The following ITGAE variants were observed in gnomAD, a reference collection of about 807,000 sequenced individuals.
ITGAE encodes integrin subunit alpha E, also known as integrin alpha-E.
Under a neutral mutation model 136.5 loss-of-function variants are expected in ITGAE, and 99 were observed. The ratio of observed to expected loss-of-function variants is 0.73; its 90% CI spans 0.62 to 0.86. The LOEUF (loss-of-function observed/expected upper bound fraction) is 0.86, where lower values mean the gene tolerates loss of function less well. ITGAE is among the 40% of genes least tolerant of loss of function. ITGAE has a pLI of 0.00. For synonymous variants in ITGAE, 613 were observed against 591.8 expected (o/e 1.04, Z -0.52); for missense variants, 1,447 against 1,515.3 (o/e 0.95, Z 0.75).
intron 6 of ITGAE, among the ~76,000 whole-genome samples, chr17:3,760,680 T>A (rs2143093968): frequency 6.6e-6 from 1 of 151,856 alleles, no homozygotes; most frequent in East Asian, 1.9e-4. Flanking sequence ...CCTCAAGTGA[T>A]CCGCCCACTT....
intron 20 of ITGAE, among the ~76,000 whole-genome samples, chr17:3,736,872 A>C (rs1029581423): frequency 2.0e-5 from 3 of 151,104 alleles, no homozygotes; most frequent in Non-Finnish European, 4.4e-5. Flanking sequence ...TTTTGTTCCC[A>C]TTGTTTGGTT....
At chr17:3,748,398 C>T (rs1337484895) in intron 16 of ITGAE, among the ~76,000 whole-genome samples, 1 of 152,138 alleles carries the variant, frequency 6.6e-6, no homozygotes, top group Non-Finnish European at 1.5e-5. Context: ...CCAGCCTGGC[C>T]AACTTGGTGA....
chr17:3,780,783 C>T (rs2052650313), intron 1 of ITGAE, among the ~76,000 whole-genome samples: 1 of 152,140 alleles, frequency 6.6e-6, no homozygotes, highest in South Asian at 2.1e-4. Flanking sequence ...TCCCTACAGT[C>T]TTTACCTCCA....
chr17:3,775,958 A>ACATTT (rs1282433198), intron 2 of ITGAE, among the ~76,000 whole-genome samples: 1 of 151,950 alleles, frequency 6.6e-6, no homozygotes, highest in Non-Finnish European at 1.5e-5. Context: ...GGCAGATTTT[A>ACATTT]CATTTTGCTT....
Position 3,798,457 on chromosome 17 carries a change from T to C in ITGAE, c.34+2654A>G, listed in dbSNP as rs2053174836. Among the ~76,000 whole-genome samples the C allele has an allele frequency of 2.0e-5, 3 of 152,072 alleles. No individual in the cohort carries two copies. Among genetic ancestry groups the C allele is most frequent in the Admixed American group, 2.0e-4 (3 of 15,258 alleles). On this transcript the variant is annotated intron_variant, in intron 1 of 30. Transcript: ENST00000263087. The surrounding 1 kb of genome is among the most constrained non-coding windows in gnomAD (Gnocchi z 4.3). ...AACCAGACTCTTCACACCCCAGGGC[T>C]TGGTCCCTCCTATCCCCCCTGCACA...
Position 3,739,809 on chromosome 17 carries a change from A to T in ITGAE, c.2518T>A (p.Ser840Thr). The T allele has an allele frequency of 1.9e-6, 3 of 1,613,982 alleles. No individual in the cohort carries two copies. The highest frequency in any genetic ancestry group is 2.5e-6 in the Non-Finnish European group (3 of 1,179,824). The change falls in exon 20 of 31, where the codon TCT becomes ACT. Residue 840 changes from serine (S) to threonine (T), a missense_variant. This residue lies in a region of ITGAE where 1,031 missense variants were observed against 1,011.4 expected (regional missense o/e 1.02). Coordinates refer to ENST00000263087, the MANE Select transcript of ITGAE (RefSeq NM_002208.5). ...VAELQLATTV[S>T]QQELVVGLTK... ...TGACGGCTATGTCCAACTCACTGAGAGACGGTGGTGGCCAACTGTAATTCT... is the reference window on the plus strand; with the variant it reads ...TGACGGCTATGTCCAACTCACTGAGTGACGGTGGTGGCCAACTGTAATTCT...
chr17:3,794,962 C>T (rs994146326), intron 1 of ITGAE, among the ~76,000 whole-genome samples: 3 of 152,312 alleles, frequency 2.0e-5, no homozygotes, highest in Non-Finnish European at 4.4e-5. Flanking sequence ...TCTGCACACT[C>T]CTGCCTCCAG....
chr17:3,783,886 C>T (rs1038592299), intron 1 of ITGAE, among the ~76,000 whole-genome samples: 1 of 152,196 alleles, frequency 6.6e-6, no homozygotes, highest in African/African-American at 2.4e-5. Flanking sequence ...CAAAAATTGA[C>T]TGAATTAAAA....
chr17:3,782,295 A>C lies in ITGAE; in HGVS notation c.35-4635T>G, dbSNP rs996067579. ...GCCTCAAAAAAAAAAAAAAAAAAAA[A>C]AAAAAAGCATGGTCTGACCATGCCA... On this transcript the variant is annotated intron_variant, in intron 1 of 30. Transcript: ENST00000263087. Among the ~76,000 whole-genome samples, 3 of 146,708 alleles carry C rather than the reference A, an allele frequency of 2.0e-5. No homozygotes were observed. In the East Asian group the frequency reaches 6.5e-4, roughly 32 times the overall value.
At position 3,759,505 on chromosome 17, in the gene ITGAE, C is replaced by T; in HGVS notation, c.763G>A (p.Asp255Asn). The T allele has an allele frequency of 6.2e-7, 1 of 1,614,194 alleles. No individual in the cohort carries two copies. The highest frequency in any genetic ancestry group is 1.6e-4 in the Middle Eastern group (1 of 6,062). The change falls in exon 8 of 31, where the codon GAC (aspartate) becomes AAC (asparagine). Residue 255 changes from aspartate to asparagine, a missense_variant. Asp to Asn is a conservative substitution (Grantham distance 23). Around this residue, in one of 3 missense-constraint regions of ITGAE, gnomAD observed 310 missense variants for 416.1 expected, o/e 0.74. Coordinates refer to ENST00000263087, the MANE Select transcript of ITGAE (RefSeq NM_002208.5). ...ATCACATCCTGGCTGTCCCGAAGGT[C>T]AAACTCAGTCTGGATCACTCCTCCA... ...QYGGVIQTEF[D>N]LRDSQDVMAS...
At chr17:3,716,927 G>A (rs897868413) in intron 29 of ITGAE, 129 bp from the exon 30 acceptor site, 1 of 603,078 alleles carries the variant, frequency 1.7e-6, no homozygotes, top group Non-Finnish European at 2.9e-6. Flanking sequence ...GCTGATGACA[G>A]TAAAGCAAAA....
At chr17:3,751,915 C>A (rs182592486) in intron 14 of ITGAE, 41 bp from the exon 15 acceptor site, 1 of 1,544,024 alleles carries the variant, frequency 6.5e-7, no homozygotes, top group Non-Finnish European at 8.9e-7. Flanking sequence ...AGAAGGGGTG[C>A]TAGGTGCCCA....
At chr17:3,771,845 A>C (rs2052431688) in intron 2 of ITGAE, among the ~76,000 whole-genome samples, 1 of 152,098 alleles carries the variant, frequency 6.6e-6, no homozygotes, top group Admixed American at 6.5e-5. Flanking sequence ...CCGGGTGTGC[A>C]TTCTTCTGTA....
chr17:3,794,902 T>C (rs2053027692), intron 1 of ITGAE, among the ~76,000 whole-genome samples: 1 of 151,956 alleles, frequency 6.6e-6, no homozygotes, highest in South Asian at 2.1e-4. Context: ...CAAAGTCCAG[T>C]CTCCTCTCCT....
At chr17:3,719,252 A>G (rs8076100) in intron 29 of ITGAE, among the ~76,000 whole-genome samples, 11 of 130,324 alleles carry the variant, frequency 8.4e-5, no homozygotes, top group South Asian at 4.4e-4. Flanking sequence ...AAAAAAAAAA[A>G]AAAAGAAAAG....
chr17:3,715,005 G>A (rs1011933784), intron 30 of ITGAE, 63 bp from the exon 31 acceptor site: 19 of 919,948 alleles, frequency 2.1e-5, no homozygotes, highest in Non-Finnish European at 2.8e-5. Flanking sequence ...TCAGAAAACC[G>A]GCATTCTGGC....
intron 2 of ITGAE, among the ~76,000 whole-genome samples, chr17:3,776,562 C>T (rs1030230694): frequency 2.6e-5 from 4 of 152,170 alleles, no homozygotes; most frequent in South Asian, 4.1e-4. Context: ...TACCAGTACA[C>T]GCTTGTTCCT....
intron 1 of ITGAE, among the ~76,000 whole-genome samples, chr17:3,786,368 C>T (rs1006223698): frequency 4.0e-5 from 6 of 151,878 alleles, no homozygotes; most frequent in African/African-American, 7.3e-5. Context: ...GCTTCACTGA[C>T]GAATTTTTCC....
chr17:3,748,541 C>T (rs1247338607), intron 16 of ITGAE, among the ~76,000 whole-genome samples: 1 of 152,158 alleles, frequency 6.6e-6, no homozygotes, highest in Non-Finnish European at 1.5e-5. Flanking sequence ...GAGCCGACAT[C>T]CTGCCACGGC....
Sources: gnomAD v4.1 joint callset for allele counts (sites outside exome capture counted in the v4.1 genomes callset) on GRCh38, gnomAD v4.1.1 for gene constraint, gnomAD v4.1.1 regional missense constraint, Gnocchi (gnomAD v3.1) non-coding constraint, MANE v1.5 for transcripts, NCBI Gene and HGNC (gene_info 2026-07-23, HGNC 2026-07-21) for gene names.